The following ATP11A variants were observed in gnomAD, a reference collection of about 807,000 sequenced individuals.
The protein encoded by ATP11A is phospholipid-transporting ATPase IH.
In ATP11A, 81 loss-of-function variants were observed where a neutral mutation model predicts 154.4. The observed-to-expected ratio is 0.52, with a 90% confidence interval of 0.44 to 0.63. ATP11A has a LOEUF of 0.63. Among genes scored for constraint, ATP11A ranks in the 30% least tolerant of loss-of-function variants. The pLI is 0.00. For missense variants in ATP11A, 1,316 were observed against 1,474.3 expected (o/e 0.89, Z 1.76); for synonymous variants, 623 against 585.9 (o/e 1.06, Z -0.91).
intron 1 of ATP11A, among the ~76,000 whole-genome samples, chr13:112,773,543 T>G (rs1335187390): frequency 2.0e-5 from 3 of 152,200 alleles, no homozygotes; most frequent in Admixed American, 6.5e-5. Flanking sequence ...AAGGGAATCC[T>G]TGAACCTCTG....
intron 29 of ATP11A, chr13:112,880,503 C>T: frequency 7.8e-7 from 1 of 1,279,508 alleles, no homozygotes. Context: ...TCCTGGTGGC[C>T]CCGTGTGGCC....
At chr13:112,760,011 T>G (rs1566439271) in intron 1 of ATP11A, among the ~76,000 whole-genome samples, 1 of 152,186 alleles carries the variant, frequency 6.6e-6, no homozygotes, top group Non-Finnish European at 1.5e-5. Flanking sequence ...GGAAGCCGTC[T>G]GGCAATATGC....
intron 1 of ATP11A, among the ~76,000 whole-genome samples, chr13:112,727,355 T>C (rs1252611013): frequency 6.6e-6 from 1 of 152,256 alleles, no homozygotes; most frequent in Non-Finnish European, 1.5e-5. Flanking sequence ...CTGAACGCTG[T>C]TTCTAGTGAT....
At position 112,859,536 on chromosome 13, in the gene ATP11A, T is replaced by C; in HGVS notation, c.2727+84T>C. 8.3e-7 allele frequency: 1 copy of C among 1,198,008 alleles called. No homozygotes were observed. The highest frequency in any genetic ancestry group is 1.2e-6 in the Non-Finnish European group (1 of 801,894). The allele number at this position is 1,198,008 out of a possible 1,614,324, so 74.2% of individuals were successfully genotyped here. A position where few individuals can be genotyped will look rare whatever the true frequency, so the allele number is the denominator to read the frequency against. ...GGTGGCTGCTGTGGGGAGGGGAGAC[T>C]TGGGAATGAGCAGCACTCCCCGGCA... On this transcript the variant is annotated intron_variant, in intron 23 of 29. Coordinates refer to ENST00000375645, the MANE Select transcript of ATP11A (RefSeq NM_015205.3). This position sits in a 1 kb window ranked among gnomAD's most constrained non-coding sequence, Gnocchi z 4.3.
intron 2 of ATP11A, among the ~76,000 whole-genome samples, chr13:112,794,370 G>T (rs1011658822): frequency 1.1e-4 from 16 of 152,338 alleles, no homozygotes; most frequent in African/African-American, 3.6e-4. Context: ...TCAGTTGATT[G>T]TATCCCGATG....
chr13:112,843,601 C>G (rs551650690), intron 17 of ATP11A, among the ~76,000 whole-genome samples: 98 of 152,318 alleles, frequency 6.4e-4, no homozygotes, highest in African/African-American at 2.2e-3. Flanking sequence ...AAGGCTGAAC[C>G]GAGAGAACCT....
intron 4 of ATP11A, among the ~76,000 whole-genome samples, chr13:112,809,650 C>T (rs2078432121): frequency 6.6e-6 from 1 of 152,180 alleles, no homozygotes; most frequent in Admixed American, 6.5e-5. Context: ...TTTCGACACT[C>T]ATTAGATGCG....
At chr13:112,800,826 A>T (rs1479077683) in intron 2 of ATP11A, among the ~76,000 whole-genome samples, 1 of 152,248 alleles carries the variant, frequency 6.6e-6, no homozygotes, top group Non-Finnish European at 1.5e-5. Flanking sequence ...TATCCTAGGT[A>T]TGCAAGGCTG....
intron 12 of ATP11A, among the ~76,000 whole-genome samples, chr13:112,827,891 A>G (rs2078973602): frequency 6.6e-6 from 1 of 152,148 alleles, no homozygotes; most frequent in African/African-American, 2.4e-5. Context: ...CATGTCCCAT[A>G]CTCCTCACAG....
Position 112,785,356 on chromosome 13 carries a change from C to T in ATP11A, c.162+99C>T, listed in dbSNP as rs2077599009. 8 of 1,292,862 alleles carry T rather than the reference C, an allele frequency of 6.2e-6. No individual in the cohort carries two copies. Among genetic ancestry groups the T allele is most frequent in the Non-Finnish European group, 4.0e-6 (4 of 1,003,768 alleles). The allele number at this position is 1,292,862 out of a possible 1,614,324, so 80.1% of individuals were successfully genotyped here. ...TTTCAAAGAGCGGCTCTGCTCCTGG[C>T]CCTGCTGTCACAGCCACCAGCCACC... On this transcript the variant is annotated intron_variant, in intron 2 of 29. Transcript: ENST00000375645. This position sits in a 1 kb window ranked among gnomAD's most constrained non-coding sequence, Gnocchi z 4.8.
In ATP11A at chr13:112,851,129, C is replaced by A. The variant is rs766768685; in HGVS notation, c.1902C>A (p.Ala634=). The A allele has an allele frequency of 1.2e-5, 20 of 1,613,986 alleles. No homozygotes were observed. Among genetic ancestry groups the A allele is most frequent in the Non-Finnish European group, 1.6e-5 (19 of 1,180,012 alleles). Residue 634 remains alanine (A), a synonymous_variant, in exon 18 of 30, where the codon GCC becomes GCA. Transcript: ENST00000375645. ...AGCTGCTGCAGGCTGCCAAAGTGGC[C>A]CTTCAAGATCGAGAGAAAAAGTTAG... ...ICKLLQAAKV[A]LQDREKKLAE... is the part of the protein sequence containing the mutation.
At chr13:112,777,334 C>T (rs370163627) in intron 1 of ATP11A, among the ~76,000 whole-genome samples, 42 of 152,298 alleles carry the variant, frequency 2.8e-4, no homozygotes, top group African/African-American at 3.8e-4. Context: ...AATGCTGAGG[C>T]GGGCAAATCA....
chr13:112,801,527 G>T (rs1349913616), intron 2 of ATP11A, among the ~76,000 whole-genome samples: 1 of 152,246 alleles, frequency 6.6e-6, no homozygotes, highest in Non-Finnish European at 1.5e-5. Flanking sequence ...TGATATGATT[G>T]TCCATGCAGA....
At chr13:112,864,957 C>T (rs1401795680) in intron 25 of ATP11A, among the ~76,000 whole-genome samples, 1 of 76,538 alleles carries the variant, frequency 1.3e-5, no homozygotes, top group African/African-American at 3.8e-5. Context: ...AGCTTCTCAG[C>T]AGGGTCCATC....
intron 1 of ATP11A, among the ~76,000 whole-genome samples, chr13:112,739,646 C>A (rs568422476): frequency 6.6e-6 from 1 of 152,230 alleles, no homozygotes; most frequent in African/African-American, 2.4e-5. Context: ...TGAAAACACG[C>A]GTCCACACGG....
intron 2 of ATP11A, among the ~76,000 whole-genome samples, chr13:112,789,007 G>C (rs2077747864): frequency 6.7e-6 from 1 of 150,298 alleles, no homozygotes; most frequent in African/African-American, 2.5e-5. Context: ...AATTCACATT[G>C]AGCATCCTGA....
chr13:112,825,445 C>T lies in ATP11A; in HGVS notation c.888C>T (p.Phe296=), dbSNP rs1395616498. The T allele has an allele frequency of 1.2e-6, 2 of 1,611,752 alleles. No homozygotes were observed. Among genetic ancestry groups the T allele is most frequent in the East Asian group, 2.2e-5 (1 of 44,858 alleles). ...TTTGTTTTAGATCGATGAATGCGTT[C>T]CTCATTGTGTATCTCTGCATTCTGA... ...RSAVEKSMNA[F]LIVYLCILIS... Residue 296 remains phenylalanine (F), a synonymous_variant, in exon 11 of 30, where the codon TTC becomes TTT. Transcript: ENST00000375645.
At chr13:112,751,528 C>T (rs561575980) in intron 1 of ATP11A, among the ~76,000 whole-genome samples, 21 of 152,112 alleles carry the variant, frequency 1.4e-4, no homozygotes, top group Middle Eastern at 3.4e-3. Context: ...GATGTGGTGA[C>T]GCGCACCTGT....
intron 17 of ATP11A, among the ~76,000 whole-genome samples, chr13:112,848,782 G>T (rs1273888270): frequency 6.6e-6 from 1 of 152,180 alleles, no homozygotes; most frequent in East Asian, 1.9e-4. Context: ...CTGCCTCCTG[G>T]GTTCAAGCCA....
Sources: gnomAD v4.1 joint callset for allele counts (sites outside exome capture counted in the v4.1 genomes callset) on GRCh38, gnomAD v4.1.1 for gene constraint, Gnocchi (gnomAD v3.1) non-coding constraint, MANE v1.5 for transcripts, NCBI Gene and HGNC (gene_info 2026-07-23, HGNC 2026-07-21) for gene names.